The following CDCP1 variants were observed in gnomAD, a reference collection of about 807,000 sequenced individuals.
CDCP1 encodes the protein CUB domain-containing protein 1.
In CDCP1, 29 loss-of-function variants were observed where a neutral mutation model predicts 60.2. That is an observed-to-expected ratio of 0.48 (90% CI 0.36 to 0.66). The LOEUF is 0.66. Ranked by LOEUF, CDCP1 falls within the 30% of genes least tolerant of loss-of-function variation. The pLI, the probability that CDCP1 is intolerant of heterozygous loss-of-function variation, is 0.00. For synonymous variants in CDCP1, 387 were observed against 431.1 expected, an observed-to-expected ratio of 0.90 and a Z score of 1.27; for missense variants, 876 against 1,074.3, an observed-to-expected ratio of 0.82 and a Z score of 2.58.
intron 4 of CDCP1, among the ~76,000 whole-genome samples, chr3:45,101,233 C>A (rs1698480741): frequency 1.3e-5 from 2 of 152,214 alleles, no homozygotes; most frequent in African/African-American, 4.8e-5. Context: ...CAAGTCTAAT[C>A]CTCCCTCAGC....
intron 1 of CDCP1, among the ~76,000 whole-genome samples, chr3:45,122,040 T>G (rs1349775498): frequency 6.6e-6 from 1 of 152,132 alleles, no homozygotes; most frequent in Non-Finnish European, 1.5e-5. Flanking sequence ...ATCTCTCCAC[T>G]CAGTTCTTCT....
At chr3:45,134,403 C>A (rs144075875) in intron 1 of CDCP1, among the ~76,000 whole-genome samples, 1 of 152,004 alleles carries the variant, frequency 6.6e-6, no homozygotes, top group Non-Finnish European at 1.5e-5. Context: ...GGATTACAGG[C>A]GCGGGCCACC....
intron 1 of CDCP1, among the ~76,000 whole-genome samples, chr3:45,132,095 G>A (rs1559400660): frequency 6.6e-6 from 1 of 152,070 alleles, no homozygotes. Context: ...AAATTAGCAG[G>A]CGTGGTGGCA....
intron 2 of CDCP1, 139 bp from the exon 3 acceptor site, chr3:45,112,584 C>T (rs936495672): frequency 5.0e-6 from 6 of 1,205,788 alleles, no homozygotes; most frequent in African/African-American, 1.5e-5. Context: ...GGCACCCAGG[C>T]CCCAACTGCT....
At chr3:45,126,184 C>CTA (rs1698994834) in intron 1 of CDCP1, among the ~76,000 whole-genome samples, 1 of 58,860 alleles carries the variant, frequency 1.7e-5, no homozygotes, top group Non-Finnish European at 3.4e-5. Flanking sequence ...CCTTCTTTCT[C>CTA]TCTCTCTCTC....
rs767410451 is a variant in CDCP1, at chr3:45,110,720, G to C, written c.777C>G (p.His259Gln). The part of the protein sequence containing the change: ...LMTWQFVVPA[H>Q]LRASVSFLNF... ...TGAGGAAGGAGACGCTGGCCCGCAG[G>C]TGTGCAGGAACGACAAACTGCCACG... The change falls in exon 4 of 9, where the codon CAC becomes CAG. Residue 259 changes from histidine to glutamine, a missense_variant. By Grantham distance (24) the His-to-Gln change is conservative. Transcript: ENST00000296129. The C allele has an allele frequency of 2.1e-5, 34 of 1,614,104 alleles. No individual in the cohort carries two copies. Among genetic ancestry groups the C allele is most frequent in the Non-Finnish European group, 2.8e-5 (33 of 1,180,054 alleles).
chr3:45,107,092 C>T (rs888849610), intron 4 of CDCP1, among the ~76,000 whole-genome samples: 2 of 152,332 alleles, frequency 1.3e-5, no homozygotes, highest in East Asian at 3.9e-4. Flanking sequence ...CTGCCTCCAA[C>T]CTCACCACAT....
rs1698703283 is a variant in CDCP1 at position 45,112,076 on chromosome 3, T to C, written c.655+7A>G. ...CCTAATCAGATAGCAGGGAGGGGCT[T>C]TCTCACGTTTTATAGATGAGCGGTT... is the stretch of plus-strand genomic sequence containing the variant. On this transcript the variant is annotated splice_region_variant and intron_variant, in intron 3 of 8. Coordinates refer to ENST00000296129, the MANE Select transcript of CDCP1 (RefSeq NM_022842.5). 3 of 1,610,140 alleles carry C rather than the reference T, an allele frequency of 1.9e-6. No individual in the cohort carries two copies.
chr3:45,110,497 C>T lies in CDCP1; in HGVS notation c.1000G>A (p.Val334Ile). Residue 334 changes from valine (V) to isoleucine (I), a missense_variant, in exon 4 of 9, where the codon GTC becomes ATC. By Grantham distance (29) the Val-to-Ile change is conservative (BLOSUM62 3). Around this residue, in one of 2 missense-constraint regions of CDCP1, gnomAD observed 726 missense variants for 935.7 expected, o/e 0.78. Transcript: ENST00000296129. ...CTGCTTTCATTTTGTGGATGTTGGA[C>T]CAAAACTTGGAACTGCAGCCGGAGG... is the stretch of plus-strand genomic sequence containing the variant. ...GILRLQFQVL[V>I]QHPQNESNKI... 6.2e-6 allele frequency: 10 copies of T among 1,614,144 alleles called. No individual in the cohort carries two copies. Among genetic ancestry groups the T allele is most frequent in the Non-Finnish European group, 7.6e-6 (9 of 1,180,022 alleles).
In CDCP1 at chr3:45,085,507, G is replaced by A. The variant is rs1032425078; in HGVS notation, c.*131C>T. ...GTCCACTGAGCAATGTGAAGTTGGC[G>A]GTGTCCAGGAAAACCTCCTGCTGTT... On this transcript the variant is annotated 3_prime_UTR_variant, in exon 9 of 9. Coordinates refer to ENST00000296129, the MANE Select transcript of CDCP1 (RefSeq NM_022842.5). This position sits in a 1 kb window ranked among gnomAD's most constrained non-coding sequence, Gnocchi z 4.2. 3.2e-5 allele frequency: 28 copies of A among 876,512 alleles called. No homozygotes were observed. The highest frequency in any genetic ancestry group is 2.7e-4 in the South Asian group (16 of 59,968). 54.3% of individuals were successfully genotyped at this position (876,512 alleles called of 1,614,324 possible).
intron 4 of CDCP1, 137 bp from the exon 5 acceptor site, chr3:45,095,705 T>C (rs542570353): frequency 1.5e-6 from 1 of 652,792 alleles, no homozygotes; most frequent in East Asian, 2.7e-5. Context: ...GGAAAACGTA[T>C]TATTAAGGCA....
At chr3:45,109,315 T>G (rs1424812330) in intron 4 of CDCP1, among the ~76,000 whole-genome samples, 1 of 152,104 alleles carries the variant, frequency 6.6e-6, no homozygotes. Context: ...GCAGCACCAG[T>G]TGGGCAATCC....
At chr3:45,144,455 G>A (rs946232619) in intron 1 of CDCP1, among the ~76,000 whole-genome samples, 1 of 152,192 alleles carries the variant, frequency 6.6e-6, no homozygotes, top group African/African-American at 2.4e-5. Context: ...TTAAGAAAGC[G>A]AAAGGGAAAG....
rs1698301960 is a variant in CDCP1 at position 45,091,906 on chromosome 3, G to A, written c.1628-368C>T. On this transcript the variant is annotated intron_variant, in intron 6 of 8. Transcript: ENST00000296129. This position sits in a 1 kb window ranked among gnomAD's most constrained non-coding sequence, Gnocchi z 4.8. ...CCTCTCAGGTTCAAGCAATTCTCCA[G>A]CCTCAGCCTCCCGAGTAGCTAGGAC... is the stretch of plus-strand genomic sequence containing the variant. 6.6e-6 allele frequency among the ~76,000 whole-genome samples: 1 copy of A among 152,138 alleles called. No individual in the cohort carries two copies. Among genetic ancestry groups the A allele is most frequent in the Non-Finnish European group, 1.5e-5 (1 of 68,028 alleles).
In CDCP1 at chr3:45,118,513, T is replaced by A. The variant is rs778669539; in HGVS notation, c.191A>T (p.His64Leu). 2.5e-6 allele frequency: 4 copies of A among 1,614,124 alleles called. No individual in the cohort carries two copies. The highest frequency in any genetic ancestry group is 3.4e-6 in the Non-Finnish European group (4 of 1,180,028). The stretch of plus-strand genomic sequence containing the variant: ...AGACTTGATGGACAACATGGTTATA[T>A]GTCTTTTAGAAATGACGATGTAACA... ...KPCYIVISKR[H>L]ITMLSIKSGE... The change falls in exon 2 of 9, where the codon CAT becomes CTT. Residue 64 changes from histidine (H) to leucine (L), a missense_variant. Physicochemically the swap from His to Leu is moderately conservative, Grantham distance 99. Coordinates refer to ENST00000296129, the MANE Select transcript of CDCP1 (RefSeq NM_022842.5).
At chr3:45,136,470 CT>C (rs1302529884) in intron 1 of CDCP1, among the ~76,000 whole-genome samples, 2 of 152,324 alleles carry the variant, frequency 1.3e-5, no homozygotes, top group East Asian at 3.9e-4. Context: ...CTGCTTTGCT[CT>C]TATAGGTGAT....
At position 45,110,553 on chromosome 3, in the gene CDCP1, C is replaced by T; in HGVS notation, c.944G>A (p.Gly315Asp). The change falls in exon 4 of 9, where the codon GGC (glycine) becomes GAC (aspartate). Residue 315 changes from glycine to aspartate, a missense_variant. Transcript: ENST00000296129. ...TGGACTTTGGGCATCTTGGTCACAG[C>T]CTTGCAGAGAGAGGTTGAAGTTCCC... Reference protein sequence around the residue: ...MAGNFNLSLQGCDQDAQSPGI... With the variant: ...MAGNFNLSLQDCDQDAQSPGI... 1.2e-6 allele frequency: 2 copies of T among 1,614,180 alleles called. No homozygotes were observed. Among genetic ancestry groups the T allele is most frequent in the Non-Finnish European group, 1.7e-6 (2 of 1,180,028 alleles).
rs370503753 is a variant in CDCP1, at chr3:45,112,304, C to T, written c.434G>A (p.Arg145His). ...CTCACCCGGACCGATCTGCCTCAGG[C>T]GAGGGATGGAAAACTGCAGCTCTAA... ...IGLELQFSIP[R>H]LRQIGPGESC... The change falls in exon 3 of 9, where the codon CGC (arginine) becomes CAC (histidine). Residue 145 changes from arginine to histidine, a missense_variant. Coordinates refer to ENST00000296129, the MANE Select transcript of CDCP1 (RefSeq NM_022842.5). 74 of 1,614,150 alleles carry T rather than the reference C, an allele frequency of 4.6e-5. 1 individual carries two copies. In the South Asian group the frequency reaches 4.7e-4, roughly 10 times the overall value.
intron 4 of CDCP1, among the ~76,000 whole-genome samples, chr3:45,104,295 T>G (rs868478966): frequency 1.3e-5 from 2 of 152,352 alleles, no homozygotes; most frequent in Middle Eastern, 3.4e-3. Flanking sequence ...ATTTTGCATT[T>G]GCACCTCATT....
Sources: gnomAD v4.1 joint callset for allele counts (sites outside exome capture counted in the v4.1 genomes callset) on GRCh38, gnomAD v4.1.1 for gene constraint, gnomAD v4.1.1 regional missense constraint, Gnocchi (gnomAD v3.1) non-coding constraint, MANE v1.5 for transcripts, NCBI Gene and HGNC (gene_info 2026-07-23, HGNC 2026-07-21) for gene names.